ATP6V1C2: variants seen among roughly 807,000 people sequenced by gnomAD.
The protein encoded by ATP6V1C2 is ATPase H+ transporting V1 subunit C2.
Under a neutral mutation model 56.8 loss-of-function variants are expected in ATP6V1C2, and 45 were observed. The observed-to-expected ratio is 0.79, with a 90% CI of 0.62 to 1.02. ATP6V1C2 has a LOEUF of 1.02. ATP6V1C2 is among the 50% of genes least tolerant of loss of function. The pLI is 0.00. For synonymous variants in ATP6V1C2, 220 were observed against 201.3 expected (o/e 1.09, Z -0.79); for missense variants, 463 against 519.7 (o/e 0.89, Z 1.06).
chr2:10,776,617 C>T (rs114960387), intron 10 of ATP6V1C2, among the ~76,000 whole-genome samples: 3 of 152,192 alleles, frequency 2.0e-5, no homozygotes, highest in Non-Finnish European at 4.4e-5. Context: ...TTTCCCAGCT[C>T]GATTCAGTCC....
Position 10,768,888 on chromosome 2 carries a change from G to A in ATP6V1C2, c.470+78G>A, listed in dbSNP as rs185691800. ...TAGCGCTTGCCTGTCCTCTCACTGG[G>A]CCACCTGGGAGTCTGTGCCCATGCA... On this transcript the variant is annotated intron_variant, in intron 6 of 13. Coordinates refer to ENST00000272238, the MANE Select transcript of ATP6V1C2 (RefSeq NM_001039362.2). 2.0e-3 allele frequency: 2,301 copies of A among 1,169,152 alleles called. 4 individuals are homozygous for A. Among genetic ancestry groups the A allele is most frequent in the Admixed American group, 2.8e-3 (159 of 56,258 alleles). 72.4% of individuals were successfully genotyped at this position (1,169,152 alleles called of 1,614,324 possible).
chr2:10,747,631 G>A (rs1662992899), intron 3 of ATP6V1C2, among the ~76,000 whole-genome samples: 1 of 152,060 alleles, frequency 6.6e-6, no homozygotes, highest in Non-Finnish European at 1.5e-5. Context: ...AGGCTGAGGT[G>A]GGAGGATCAC....
rs180825657 is a variant in ATP6V1C2 at position 10,777,905 on chromosome 2, G to A, written c.963+183G>A. ...GCAGGGCCTCTTTGGAGCTGCCCCC[G>A]CCAGCAGTGAAGGGTGCTTGTCGGC... On this transcript the variant is annotated intron_variant, in intron 11 of 13. Transcript: ENST00000272238. Among the ~76,000 whole-genome samples, 490 of 151,630 alleles carry A rather than the reference G, an allele frequency of 3.2e-3. 1 individual carries two copies. Among genetic ancestry groups the A allele is most frequent in the African/African-American group, 0.01 (423 of 41,530 alleles).
intron 11 of ATP6V1C2, 21 bp downstream of exon 11, chr2:10,777,743 C>G: frequency 3.1e-6 from 5 of 1,593,052 alleles, no homozygotes; most frequent in Non-Finnish European, 4.3e-6. Flanking sequence ...CCCCGGGAAC[C>G]CCGGGGTCCC....
At chr2:10,740,175 A>G (rs1662472156) in intron 3 of ATP6V1C2, among the ~76,000 whole-genome samples, 1 of 152,122 alleles carries the variant, frequency 6.6e-6, no homozygotes, top group Non-Finnish European at 1.5e-5. Flanking sequence ...AGCTGTTTGT[A>G]TATACTACTA....
intron 12 of ATP6V1C2, among the ~76,000 whole-genome samples, chr2:10,778,987 G>T (rs931520504): frequency 6.6e-6 from 1 of 152,154 alleles, no homozygotes; most frequent in Non-Finnish European, 1.5e-5. Flanking sequence ...CGCAGGGCCC[G>T]AGTGGCTCCT....
chr2:10,761,035 C>T (rs549988820), intron 4 of ATP6V1C2, among the ~76,000 whole-genome samples: 1 of 152,324 alleles, frequency 6.6e-6, no homozygotes, highest in South Asian at 2.1e-4. Flanking sequence ...GTCACAGTCT[C>T]TGTCCTCGAG....
intron 10 of ATP6V1C2, among the ~76,000 whole-genome samples, chr2:10,775,833 T>C (rs1348683336): frequency 6.6e-6 from 1 of 152,134 alleles, no homozygotes; most frequent in African/African-American, 2.4e-5. Flanking sequence ...TTCTTCCTCA[T>C]GCCCACCAGG....
intron 12 of ATP6V1C2, among the ~76,000 whole-genome samples, chr2:10,778,998 G>C (rs1048588765): frequency 1.3e-5 from 2 of 152,164 alleles, no homozygotes; most frequent in Non-Finnish European, 2.9e-5. Flanking sequence ...AGTGGCTCCT[G>C]GAAGGCGCTC....
In ATP6V1C2 at chr2:10,742,576, C is replaced by G. The variant is rs183527047; in HGVS notation, c.198-11405C>G. On this transcript the variant is annotated intron_variant, in intron 3 of 13. Transcript: ENST00000272238. Reference sequence around the variant, plus strand: ...GGCACCCGCCGGCTGCTCCTCTCCCCATACCCCTGGACTGGAAGAGTCCTG... The same window carrying G: ...GGCACCCGCCGGCTGCTCCTCTCCCGATACCCCTGGACTGGAAGAGTCCTG... Among the ~76,000 whole-genome samples, 10 of 152,330 alleles carry G rather than the reference C, an allele frequency of 6.6e-5. No homozygotes were observed. The East Asian group carries it at 1.9e-3, about 29-fold the overall frequency.
chr2:10,764,599 C>T (rs1157441865), intron 5 of ATP6V1C2, among the ~76,000 whole-genome samples, 174 bp downstream of exon 5: 1 of 152,224 alleles, frequency 6.6e-6, no homozygotes, highest in Non-Finnish European at 1.5e-5. Context: ...CAGCCCTGGA[C>T]AGGGAAAGAG....
rs750221672 is a variant in ATP6V1C2 at position 10,778,671 on chromosome 2, TGC to T, written c.1061+4_1061+5del. ...AGTGTTTGTGGAGTCCGTGCTCAGG[TGC>T]GTGGCAGTGATGCCCCGGCTGGGAC... is the stretch of plus-strand genomic sequence containing the variant. On this transcript the variant is annotated splice_donor_region_variant and intron_variant, in intron 12 of 13. Transcript: ENST00000272238. 6.2e-7 allele frequency: 1 copy of T among 1,614,074 alleles called. No individual in the cohort carries two copies. Among genetic ancestry groups the T allele is most frequent in the Non-Finnish European group, 8.5e-7 (1 of 1,179,936 alleles).
At chr2:10,725,525 C>G (rs1661593763) in intron 2 of ATP6V1C2, among the ~76,000 whole-genome samples, 1 of 127,650 alleles carries the variant, frequency 7.8e-6, no homozygotes, top group Non-Finnish European at 1.6e-5. Flanking sequence ...GATGCAGTCT[C>G]GCTCTGCTGA....
At chr2:10,756,792 G>C (rs371751336) in intron 4 of ATP6V1C2, among the ~76,000 whole-genome samples, 1 of 152,160 alleles carries the variant, frequency 6.6e-6, no homozygotes, top group Non-Finnish European at 1.5e-5. Context: ...TAGCCTAGGT[G>C]TGTAGTAGGC....
At chr2:10,750,058 T>C (rs1030549130) in intron 3 of ATP6V1C2, among the ~76,000 whole-genome samples, 10 of 152,224 alleles carry the variant, frequency 6.6e-5, no homozygotes, top group African/African-American at 2.2e-4. Flanking sequence ...TAAGTAATAC[T>C]GCAATTCACT....
chr2:10,760,175 C>G (rs930175405), intron 4 of ATP6V1C2, among the ~76,000 whole-genome samples: 48 of 151,686 alleles, frequency 3.2e-4, no homozygotes, highest in Non-Finnish European at 5.9e-4. Flanking sequence ...GAGTTCGAGA[C>G]CAGCCTGGCC....
chr2:10,722,294 C>G (rs372781018), intron 1 of ATP6V1C2, among the ~76,000 whole-genome samples: 5 of 152,214 alleles, frequency 3.3e-5, no homozygotes, highest in African/African-American at 1.2e-4. Context: ...CCCCTCACCC[C>G]CTACTACTTT....
At chr2:10,739,245 G>T (rs1662417737) in intron 3 of ATP6V1C2, among the ~76,000 whole-genome samples, 1 of 151,986 alleles carries the variant, frequency 6.6e-6, no homozygotes, top group Admixed American at 6.6e-5. Context: ...ATCTCGCCAT[G>T]GCACTCCAGC....
intron 4 of ATP6V1C2, among the ~76,000 whole-genome samples, chr2:10,758,740 G>A (rs545031819): frequency 4.7e-4 from 71 of 151,410 alleles, no homozygotes; most frequent in Admixed American, 8.6e-4. Context: ...TCGGCACACT[G>A]CAACCTCTGC....
Sources: gnomAD v4.1 joint callset for allele counts (sites outside exome capture counted in the v4.1 genomes callset) on GRCh38, gnomAD v4.1.1 for gene constraint, MANE v1.5 for transcripts, NCBI Gene and HGNC (gene_info 2026-07-23, HGNC 2026-07-21) for gene names.